NXN: variants seen among roughly 807,000 people sequenced by gnomAD.
NXN encodes nucleoredoxin 1.
Under a neutral mutation model 48.6 loss-of-function variants are expected in NXN, and 16 were observed. That is an observed-to-expected ratio of 0.33 (90% CI 0.22 to 0.50). NXN has a LOEUF of 0.50. Ranked by LOEUF, NXN falls within the 20% of genes least tolerant of loss-of-function variation. The probability of loss-of-function intolerance (pLI) is 0.98; values close to 1 mark genes in which losing one functional copy is unlikely to be tolerated. For missense variants in NXN, 492 were observed against 605.5 expected (o/e 0.81, Z 1.97); for synonymous variants, 281 against 269.6 (o/e 1.04, Z -0.41).
At position 916,637 on chromosome 17, in the gene NXN, G is replaced by A. The variant is rs190292374; in HGVS notation, c.360+62682C>T. On this transcript the variant is annotated intron_variant, in intron 1 of 7. Coordinates refer to ENST00000336868, the MANE Select transcript of NXN (RefSeq NM_022463.5). ...AAAGCACTCAGGATTTTAACATTAA[G>A]CTCACAAATTACAGCAGCTGGCCGG... Among the ~76,000 whole-genome samples the A allele has an allele frequency of 2.6e-5, 4 of 152,262 alleles. No homozygotes were observed. In the East Asian group the frequency reaches 7.7e-4, roughly 29 times the overall value.
intron 1 of NXN, among the ~76,000 whole-genome samples, chr17:910,096 A>T (rs2068621753): frequency 6.6e-6 from 1 of 152,146 alleles, no homozygotes; most frequent in South Asian, 2.1e-4. Context: ...TACACCTCCT[A>T]AATCAAACAA....
chr17:966,161 C>CGACATG (rs1240715282), intron 1 of NXN, among the ~76,000 whole-genome samples: 1 of 151,724 alleles, frequency 6.6e-6, no homozygotes, highest in Non-Finnish European at 1.5e-5. Flanking sequence ...TGAGATCTCG[C>CGACATG]GACATGGTAA....
At chr17:901,076 AC>A (rs1298152227) in intron 1 of NXN, among the ~76,000 whole-genome samples, 1 of 151,776 alleles carries the variant, frequency 6.6e-6, no homozygotes, top group African/African-American at 2.4e-5. Flanking sequence ...ATCCACCACC[AC>A]GCCTGGCTAA....
At chr17:835,702 G>C (rs1254220316) in intron 1 of NXN, among the ~76,000 whole-genome samples, 2 of 132,138 alleles carry the variant, frequency 1.5e-5, no homozygotes, top group African/African-American at 6.1e-5. Context: ...GGTGGGATTC[G>C]TCAGCCTCAT....
chr17:818,408 A>G (rs1444521413), intron 5 of NXN, among the ~76,000 whole-genome samples: 2 of 151,838 alleles, frequency 1.3e-5, no homozygotes, highest in Non-Finnish European at 2.9e-5. Context: ...TTACTTATTC[A>G]TGCTCCCAAC....
At chr17:873,314 C>T (rs1436623162) in intron 1 of NXN, among the ~76,000 whole-genome samples, 8 of 151,728 alleles carry the variant, frequency 5.3e-5, no homozygotes, top group Non-Finnish European at 1.2e-4. Context: ...CTGGCCAACA[C>T]GATGAAACCC....
Position 808,428 on chromosome 17 carries a change from A to G in NXN, c.821-3181T>C, listed in dbSNP as rs532209845. 1.3e-3 allele frequency among the ~76,000 whole-genome samples: 198 copies of G among 148,600 alleles called. 2 individuals are homozygous for G. The highest frequency in any genetic ancestry group is 4.7e-3 in the African/African-American group (190 of 40,178). ...AGCGATTCTCCTGCCTCAGCCTCCC[A>G]AGTAGCTGGGGTTACAGGTACACAC... On this transcript the variant is annotated intron_variant, in intron 5 of 7. Transcript: ENST00000336868.
At chr17:892,910 C>G (rs1422661672) in intron 1 of NXN, among the ~76,000 whole-genome samples, 1 of 152,210 alleles carries the variant, frequency 6.6e-6, no homozygotes, top group Non-Finnish European at 1.5e-5. Flanking sequence ...ATACCAGCCC[C>G]TCAGTTGTAA....
intron 1 of NXN, among the ~76,000 whole-genome samples, chr17:844,274 C>G (rs971501244): frequency 6.7e-6 from 1 of 148,398 alleles, no homozygotes; most frequent in Non-Finnish European, 1.5e-5. Flanking sequence ...CCATCCTTAG[C>G]TGGAAGGTGG....
intron 5 of NXN, among the ~76,000 whole-genome samples, chr17:807,613 T>TC (rs11447106): frequency 0.34 from 51,464 of 152,194 alleles, 9,184 homozygotes; most frequent in African/African-American, 0.45. Context: ...CTCAGGGGCT[T>TC]CCCCGAGGAA....
intron 1 of NXN, among the ~76,000 whole-genome samples, chr17:938,098 T>C (rs2068929415): frequency 6.6e-6 from 1 of 152,206 alleles, no homozygotes; most frequent in Non-Finnish European, 1.5e-5. Context: ...GCCTTCTGCG[T>C]AGCAGCAAAT....
chr17:915,217 A>C, intron 1 of NXN, among the ~76,000 whole-genome samples: 1 of 152,220 alleles, frequency 6.6e-6, no homozygotes, highest in Non-Finnish European at 1.5e-5. Context: ...TACAGGCGTG[A>C]GCCACTGCAC....
chr17:866,115 A>G (rs2068093256), intron 1 of NXN, among the ~76,000 whole-genome samples: 1 of 152,262 alleles, frequency 6.6e-6, no homozygotes, highest in African/African-American at 2.4e-5. Context: ...TATATTCAAT[A>G]GAATACAATG....
chr17:812,862 G>C (rs1291005949), intron 5 of NXN, among the ~76,000 whole-genome samples: 1 of 77,206 alleles, frequency 1.3e-5, no homozygotes, highest in Non-Finnish European at 2.8e-5. Context: ...ATGTGTGTAG[G>C]TGTGTGTGGG....
chr17:908,451 C>T (rs1428308717), intron 1 of NXN, among the ~76,000 whole-genome samples: 3 of 151,818 alleles, frequency 2.0e-5, no homozygotes, highest in Non-Finnish European at 4.4e-5. Flanking sequence ...CAAGAGAATC[C>T]CTTGAACCTG....
intron 1 of NXN, among the ~76,000 whole-genome samples, chr17:931,271 A>T (rs1055461158): frequency 2.1e-5 from 3 of 144,390 alleles, no homozygotes; most frequent in African/African-American, 7.8e-5. Context: ...TGGGCGACAG[A>T]GCGAGACTCC....
intron 4 of NXN, 65 bp downstream of exon 4, chr17:822,292 A>C (rs1912859408): frequency 8.2e-7 from 1 of 1,220,654 alleles, no homozygotes; most frequent in Admixed American, 1.8e-5. Context: ...AAAAAAAAGA[A>C]AAGAAAAAAA....
intron 1 of NXN, among the ~76,000 whole-genome samples, chr17:972,904 C>T (rs975062124): frequency 6.6e-6 from 1 of 150,804 alleles, no homozygotes; most frequent in Admixed American, 6.6e-5. Context: ...GGTGACGGGC[C>T]CCTGTAGTCC....
In NXN at chr17:825,423, C is replaced by T. The variant is rs4968062; in HGVS notation, c.478+538G>A. On this transcript the variant is annotated intron_variant, in intron 2 of 7. Transcript: ENST00000336868. The surrounding 1 kb of genome is among the most constrained non-coding windows in gnomAD (Gnocchi z 4.1). ...CACTGCCAGAGGGAAAGACGCCACG[C>T]GGACGGCCCTGAGCGGGGCGGCTGG... 0.41 allele frequency: 63,679 copies of T among 154,194 alleles called. 15,190 individuals carry two copies. Among genetic ancestry groups the T allele is most frequent in the African/African-American group, 0.67 (27,721 of 41,450 alleles). The allele number at this position is 154,194 out of a possible 1,614,324, so 9.6% of individuals were successfully genotyped here. A position where few individuals can be genotyped will look rare whatever the true frequency, so the allele number is the denominator to read the frequency against.
Sources: allele counts gnomAD v4.1 joint callset (sites outside exome capture counted in the v4.1 genomes callset), GRCh38; gene constraint gnomAD v4.1.1; non-coding constraint Gnocchi (gnomAD v3.1); transcripts MANE v1.5; gene names NCBI Gene and HGNC (gene_info 2026-07-23, HGNC 2026-07-21).